Variants in GRB10 observed in about 807,000 individuals in gnomAD.
GRB10 encodes growth factor receptor bound protein 10.
GRB10 carries 20 observed loss-of-function variants against 80.9 expected under a neutral mutation model. The ratio of observed to expected loss-of-function variants is 0.25; its 90% confidence interval spans 0.17 to 0.36. The LOEUF is 0.36. Ranked by LOEUF, GRB10 falls within the 10% of genes least tolerant of loss-of-function variation. The pLI is 1.00. For synonymous variants in GRB10, 291 were observed against 291.5 expected (o/e 1.00, Z 0.02); for missense variants, 548 against 747.7 (o/e 0.73, Z 3.12).
At chr7:50,742,269 GCGCACACACACACACACACACACA>G (rs1467661402) in intron 3 of GRB10, among the ~76,000 whole-genome samples, 5 of 32,638 alleles carry the variant, frequency 1.5e-4, no homozygotes, top group African/African-American at 1.9e-4. Context: ...GCACGCGCGC[GCGCACACACACACACACACACACA>G]CACACACACA....
intron 3 of GRB10, among the ~76,000 whole-genome samples, chr7:50,742,627 T>C (rs189703248): frequency 1.2e-4 from 18 of 151,828 alleles, no homozygotes; most frequent in African/African-American, 4.4e-4. Context: ...ACTGCTGACA[T>C]AGTCCCAACT....
chr7:50,614,639 G>A (rs1240021537), intron 12 of GRB10, 131 bp downstream of exon 12: 1 of 766,026 alleles, frequency 1.3e-6, no homozygotes, highest in East Asian at 2.4e-5. Context: ...TACAGGAATG[G>A]ATAAATCCAG....
At chr7:50,784,794 T>G (rs2078622581), upstream of GRB10, among the ~76,000 whole-genome samples, 1 of 152,170 alleles carries the variant, frequency 6.6e-6, no homozygotes, top group African/African-American at 2.4e-5. Context: ...AGCTGGAAAG[T>G]GGAGATGAAG....
At chr7:50,636,638 T>C (rs981159006) in intron 7 of GRB10, among the ~76,000 whole-genome samples, 1 of 152,108 alleles carries the variant, frequency 6.6e-6, no homozygotes, top group Non-Finnish European at 1.5e-5. Context: ...ACCATATGAT[T>C]ATCTAAATGG....
chr7:50,699,931 C>T (rs536199213), intron 5 of GRB10, among the ~76,000 whole-genome samples: 5 of 151,968 alleles, frequency 3.3e-5, no homozygotes, highest in Admixed American at 6.6e-5. Context: ...GTCAGGAGAT[C>T]GAGACCATCC....
chr7:50,642,461 C>CATACAT (rs552333336), intron 7 of GRB10, among the ~76,000 whole-genome samples: 1 of 151,574 alleles, frequency 6.6e-6, no homozygotes. Flanking sequence ...ATGCTTCATA[C>CATACAT]ATACATATAC....
chr7:50,791,968 A>G (rs574597357), intron 1 of GRB10, among the ~76,000 whole-genome samples: 8 of 152,258 alleles, frequency 5.3e-5, no homozygotes, highest in African/African-American at 1.9e-4. Flanking sequence ...CTGGAAAGAG[A>G]GGAACTCGGG....
chr7:50,593,155 C>G, intron 18 of GRB10, 57 bp from the exon 19 acceptor site: 1 of 1,593,930 alleles, frequency 6.3e-7, no homozygotes, highest in Non-Finnish European at 8.6e-7. Context: ...GGGAACAGAA[C>G]GGGGCCCACG....
chr7:50,725,302 A>C (rs1316441118), intron 4 of GRB10, among the ~76,000 whole-genome samples: 1 of 152,082 alleles, frequency 6.6e-6, no homozygotes, highest in East Asian at 1.9e-4. Context: ...GCCACGTAAG[A>C]CTTGCCAGCT....
chr7:50,658,473 A>G (rs534645595), intron 7 of GRB10, among the ~76,000 whole-genome samples: 2 of 152,292 alleles, frequency 1.3e-5, no homozygotes, highest in African/African-American at 4.8e-5. Flanking sequence ...ACTGATGGCC[A>G]CCGATAACCA....
intron 4 of GRB10, among the ~76,000 whole-genome samples, chr7:50,719,980 T>A (rs1351385132): frequency 1.3e-5 from 2 of 152,096 alleles, no homozygotes; most frequent in Non-Finnish European, 2.9e-5. Flanking sequence ...CTCCAGCTGC[T>A]GGGAGCGGGG....
chr7:50,614,704 A>G (rs893347276), intron 12 of GRB10, 66 bp downstream of exon 12: 1 of 951,998 alleles, frequency 1.1e-6, no homozygotes, highest in Non-Finnish European at 1.7e-6. Flanking sequence ...GTGCTGGGCA[A>G]GAGAAGAAGT....
intron 3 of GRB10, among the ~76,000 whole-genome samples, chr7:50,737,819 G>C (rs986833027): frequency 6.6e-6 from 1 of 152,216 alleles, no homozygotes; most frequent in Admixed American, 6.5e-5. Flanking sequence ...TTGCACTCCA[G>C]CCTGGGCGAC....
chr7:50,766,256 C>T (rs1456488010), intron 2 of GRB10, among the ~76,000 whole-genome samples: 1 of 152,210 alleles, frequency 6.6e-6, no homozygotes, highest in Admixed American at 6.5e-5. Flanking sequence ...AGGGCTCCCC[C>T]TCCCTTTCTA....
At chr7:50,762,167 G>C (rs1208002568) in intron 2 of GRB10, among the ~76,000 whole-genome samples, 3 of 151,776 alleles carry the variant, frequency 2.0e-5, no homozygotes, top group African/African-American at 7.3e-5. Flanking sequence ...GAACCGATCT[G>C]AACGTTTAGT....
intron 5 of GRB10, among the ~76,000 whole-genome samples, chr7:50,687,434 C>A (rs1480723935): frequency 2.0e-5 from 3 of 152,188 alleles, no homozygotes; most frequent in African/African-American, 7.2e-5. Context: ...CTGCCTTGCC[C>A]ATCCCAATAG....
At chr7:50,598,499 C>A (rs1399066453) in intron 17 of GRB10, among the ~76,000 whole-genome samples, 1 of 152,176 alleles carries the variant, frequency 6.6e-6, no homozygotes, top group Non-Finnish European at 1.5e-5. Flanking sequence ...TGTGACAGGA[C>A]CCGACAGTGA....
intron 7 of GRB10, among the ~76,000 whole-genome samples, chr7:50,658,993 A>C (rs1192764853): frequency 1.3e-5 from 2 of 152,224 alleles, no homozygotes; most frequent in African/African-American, 2.4e-5. Flanking sequence ...AAGTCTAAAA[A>C]AGTGAGGATG....
At chr7:50,660,114 C>T (rs1267191321) in intron 7 of GRB10, among the ~76,000 whole-genome samples, 1 of 152,148 alleles carries the variant, frequency 6.6e-6, no homozygotes, top group Non-Finnish European at 1.5e-5. Context: ...GGGTGGGGCA[C>T]AGTAGTGGTG....
Sources: allele counts gnomAD v4.1 joint callset (sites outside exome capture counted in the v4.1 genomes callset), GRCh38; gene constraint gnomAD v4.1.1; transcripts MANE v1.5; gene names NCBI Gene and HGNC (gene_info 2026-07-23, HGNC 2026-07-21).